TTC8: variants seen among roughly 807,000 people sequenced by gnomAD.
TTC8 encodes the protein tetratricopeptide repeat domain 8.
TTC8 carries 47 observed loss-of-function variants against 72.5 expected under a neutral mutation model. The ratio of observed to expected loss-of-function variants is 0.65; its 90% CI spans 0.51 to 0.83. The LOEUF is 0.83. TTC8 is among the 40% of genes least tolerant of loss of function. TTC8 has a pLI of 0.00. For missense variants in TTC8, 611 were observed against 623.2 expected (o/e 0.98, Z 0.21); for synonymous variants, 199 against 221.4 (o/e 0.90, Z 0.90).
chr14:88,826,674 A>G (rs1467085021), intron 1 of TTC8, among the ~76,000 whole-genome samples: 1 of 152,150 alleles, frequency 6.6e-6, no homozygotes, highest in African/African-American at 2.4e-5. Flanking sequence ...ACTGCACTCC[A>G]CACTCCACAG....
chr14:88,824,738 G>T lies in TTC8; in HGVS notation c.31G>T (p.Ala11Ser). Residue 11 changes from alanine (A) to serine (S), a missense_variant, in exon 1 of 15, where the codon GCC (alanine) becomes TCC (serine). Ala to Ser is a moderately conservative substitution (Grantham distance 99). Transcript: ENST00000380656. The stretch of plus-strand genomic sequence containing the variant: ...CTCGGAGATGGAGCCGCTGCTCCTG[G>T]CCTGGAGCTATTTTAGGCGCAGGAA... The part of the protein sequence containing the change: MSSEMEPLLL[A>S]WSYFRRRKFQ... 6.2e-7 allele frequency: 1 copy of T among 1,611,716 alleles called. No individual in the cohort carries two copies. Among genetic ancestry groups the T allele is most frequent in the Non-Finnish European group, 8.5e-7 (1 of 1,179,190 alleles).
intron 1 of TTC8, among the ~76,000 whole-genome samples, chr14:88,826,405 G>C (rs1244658850): frequency 6.6e-6 from 1 of 151,962 alleles, no homozygotes; most frequent in Non-Finnish European, 1.5e-5. Context: ...ACAGAAGCTT[G>C]TTAAGAACCT....
chr14:88,824,575 C>A, upstream of TTC8: 1 of 663,470 alleles, frequency 1.5e-6, no homozygotes, highest in Non-Finnish European at 2.6e-6. Flanking sequence ...TGTTCTCAGG[C>A]GCGCTGCGGG....
chr14:88,850,190 A>G (rs2094827112), intron 7 of TTC8, among the ~76,000 whole-genome samples: 1 of 152,228 alleles, frequency 6.6e-6, no homozygotes, highest in Non-Finnish European at 1.5e-5. Context: ...TAAGGTTAAT[A>G]GCTTTTAATT....
At chr14:88,853,832 A>G (rs540400917) in intron 8 of TTC8, among the ~76,000 whole-genome samples, 1 of 152,358 alleles carries the variant, frequency 6.6e-6, no homozygotes, top group South Asian at 2.1e-4. Context: ...TGATATTGAA[A>G]TGCATATAGA....
chr14:88,873,480 T>C (rs1283256289), intron 13 of TTC8, among the ~76,000 whole-genome samples: 1 of 152,234 alleles, frequency 6.6e-6, no homozygotes, highest in Admixed American at 6.5e-5. Flanking sequence ...GGATGTAGAA[T>C]GTCAGCTGTA....
At chr14:88,860,549 G>T (rs1410892230) in intron 9 of TTC8, among the ~76,000 whole-genome samples, 1 of 152,068 alleles carries the variant, frequency 6.6e-6, no homozygotes, top group Non-Finnish European at 1.5e-5. Flanking sequence ...TCTTTATTCA[G>T]CATCTTTAAC....
At chr14:88,869,972 G>A in intron 10 of TTC8, 87 bp from the exon 11 acceptor site, 1 of 1,367,662 alleles carries the variant, frequency 7.3e-7, no homozygotes, top group South Asian at 1.2e-5. Context: ...AATACTTATT[G>A]AATGAATGGA....
At chr14:88,865,729 T>G (rs2094906668) in intron 10 of TTC8, among the ~76,000 whole-genome samples, 1 of 152,082 alleles carries the variant, frequency 6.6e-6, no homozygotes, top group Admixed American at 6.5e-5. Context: ...GTGTCTACAT[T>G]TTGTGAATTG....
In TTC8 at chr14:88,871,408, T is replaced by C; in HGVS notation, c.1050-141T>C. The C allele has an allele frequency of 1.3e-6, 1 of 761,544 alleles. No homozygotes were observed. Among genetic ancestry groups the C allele is most frequent in the Non-Finnish European group, 2.2e-6 (1 of 461,554 alleles). 47.2% of individuals were successfully genotyped at this position (761,544 alleles called of 1,614,324 possible). ...TTGCTTTAAACATTTTTTCATTTACTATAACACGTATTTATATTCTTAAGG... is the reference window on the plus strand; with the variant it reads ...TTGCTTTAAACATTTTTTCATTTACCATAACACGTATTTATATTCTTAAGG... On this transcript the variant is annotated intron_variant, in intron 11 of 14. Coordinates refer to ENST00000380656, the MANE Select transcript of TTC8 (RefSeq NM_144596.4). The surrounding 1 kb of genome is among the most constrained non-coding windows in gnomAD (Gnocchi z 4.1).
chr14:88,874,890 C>T (rs1364681847), intron 13 of TTC8, 136 bp from the exon 14 acceptor site: 2 of 587,756 alleles, frequency 3.4e-6, no homozygotes, highest in Non-Finnish European at 5.8e-6. Flanking sequence ...GGAATGTTGT[C>T]GGTATTTATC....
intron 2 of TTC8, among the ~76,000 whole-genome samples, chr14:88,837,905 AAGTT>A (rs1397105238): frequency 2.0e-5 from 3 of 152,098 alleles, no homozygotes; most frequent in Non-Finnish European, 2.9e-5. Flanking sequence ...TTTTACAAAT[AAGTT>A]AGTTTTTTGA....
chr14:88,856,103 G>A (rs1190835417), intron 8 of TTC8, among the ~76,000 whole-genome samples: 1 of 152,134 alleles, frequency 6.6e-6, no homozygotes, highest in African/African-American at 2.4e-5. Context: ...AGATTTGCAT[G>A]TTCAGTTGAT....
At chr14:88,867,181 C>G (rs2094913677) in intron 10 of TTC8, among the ~76,000 whole-genome samples, 1 of 152,012 alleles carries the variant, frequency 6.6e-6, no homozygotes, top group Non-Finnish European at 1.5e-5. Context: ...CATATTACTT[C>G]TAGGAATTTT....
chr14:88,853,401 C>T (rs1169422720), intron 8 of TTC8, among the ~76,000 whole-genome samples: 1 of 152,146 alleles, frequency 6.6e-6, no homozygotes, highest in Admixed American at 6.5e-5. Flanking sequence ...TAGTTCTGTT[C>T]TCTTGGTAAT....
chr14:88,842,538 G>A (rs548757886), intron 6 of TTC8, among the ~76,000 whole-genome samples: 1 of 152,210 alleles, frequency 6.6e-6, no homozygotes, highest in South Asian at 2.1e-4. Flanking sequence ...CAACTCATGT[G>A]GAATATCTGG....
chr14:88,830,846 A>G lies in TTC8; in HGVS notation c.115-2847A>G, dbSNP rs1205866859. ...AAAAAAGAGTTTTCCCCTATCTCCT[A>G]ATTAAAACATTCCGACTCTTCCTTC... On this transcript the variant is annotated intron_variant, in intron 1 of 14. Coordinates refer to ENST00000380656, the MANE Select transcript of TTC8 (RefSeq NM_144596.4). 1.3e-5 allele frequency: 6 copies of G among 455,898 alleles called. No individual in the cohort carries two copies. The East Asian group carries it at 4.2e-4, about 32-fold the overall frequency. 28.2% of individuals were successfully genotyped at this position (455,898 alleles called of 1,614,324 possible).
intron 7 of TTC8, 45 bp from the exon 8 acceptor site, chr14:88,852,926 T>C: frequency 2.7e-6 from 4 of 1,499,258 alleles, no homozygotes; most frequent in Non-Finnish European, 2.8e-6. Flanking sequence ...TGACTGCTTA[T>C]TGTTAGAAAA....
At chr14:88,846,544 TA>T in intron 7 of TTC8, 1 of 943,942 alleles carries the variant, frequency 1.1e-6, no homozygotes, top group Non-Finnish European at 1.6e-6. Flanking sequence ...GTTTAGAAGC[TA>T]GGCAGATCAT....
Sources: allele counts gnomAD v4.1 joint callset (sites outside exome capture counted in the v4.1 genomes callset), GRCh38; gene constraint gnomAD v4.1.1; non-coding constraint Gnocchi (gnomAD v3.1); transcripts MANE v1.5; gene names NCBI Gene and HGNC (gene_info 2026-07-23, HGNC 2026-07-21).